Variants in TSC22D1 observed in about 807,000 individuals in gnomAD.
TSC22D1 encodes the protein TSC22 domain family protein 1.
In TSC22D1, 9 loss-of-function variants were observed where a neutral mutation model predicts 74.2. That is an observed-to-expected ratio of 0.12 (90% confidence interval 0.07 to 0.21). The LOEUF (loss-of-function observed/expected upper bound fraction) is 0.21, where lower values mean the gene tolerates loss of function less well. Among genes scored for constraint, TSC22D1 ranks in the 10% least tolerant of loss-of-function variants. The probability of loss-of-function intolerance (pLI) is 1.00; values close to 1 mark genes in which losing one functional copy is unlikely to be tolerated. For missense variants in TSC22D1, 1,427 were observed against 1,304.7 expected, an observed-to-expected ratio of 1.09 and a Z score of -1.44; for synonymous variants, 586 against 492.5, an observed-to-expected ratio of 1.19 and a Z score of -2.51.
intron 1 of TSC22D1, among the ~76,000 whole-genome samples, chr13:44,559,853 G>C (rs947857571): frequency 3.9e-5 from 6 of 151,958 alleles, no homozygotes; most frequent in African/African-American, 1.4e-4. Flanking sequence ...CACCATGACT[G>C]CCTCATTTTT....
chr13:44,461,443 G>A (rs1876991485), intron 1 of TSC22D1, among the ~76,000 whole-genome samples: 2 of 152,124 alleles, frequency 1.3e-5, no homozygotes, highest in Admixed American at 6.5e-5. Flanking sequence ...TATATGGCAG[G>A]TACCAGGAAA....
In TSC22D1 at chr13:44,576,046, G is replaced by T; in HGVS notation, c.29C>A (p.Ala10Glu). The T allele has an allele frequency of 6.4e-7, 1 of 1,570,706 alleles. No individual in the cohort carries two copies. The highest frequency in any genetic ancestry group is 1.2e-5 in the South Asian group (1 of 86,178). Residue 10 changes from alanine (A) to glutamate (E), a missense_variant, in exon 1 of 3, where the codon GCG becomes GAG. By Grantham distance (107) the Ala-to-Glu change is moderately radical (BLOSUM62 -1). This residue lies in a region of TSC22D1 where 1,343 missense variants were observed against 1,191.5 expected (regional missense o/e 1.13). Coordinates refer to ENST00000458659, the MANE Select transcript of TSC22D1 (RefSeq NM_183422.4). ...GCTAATGTCTGCAGCGGCGGCGGCC[G>T]CGGCGGTGGACTCAGGCGGCTGGTG... MHQPPESTA[A>E]AAAAADISAR...
intron 1 of TSC22D1, among the ~76,000 whole-genome samples, chr13:44,492,517 A>G (rs1878774692): frequency 6.6e-6 from 1 of 152,082 alleles, no homozygotes; most frequent in Admixed American, 6.5e-5. Context: ...AACAGACAAG[A>G]CTCTGTACAG....
At chr13:44,537,307 A>G in intron 1 of TSC22D1, 1 of 980,804 alleles carries the variant, frequency 1.0e-6, no homozygotes, top group African/African-American at 1.7e-5. Context: ...TCAGTTCACA[A>G]TAATATACAA....
intron 1 of TSC22D1, chr13:44,536,904 C>T (rs1169926357): frequency 2.9e-4 from 52 of 181,638 alleles, no homozygotes; most frequent in Non-Finnish European, 3.6e-4. Context: ...ATCACCTTAA[C>T]AGTTCAAAAA....
chr13:44,555,334 C>T lies in TSC22D1; in HGVS notation c.2912+17829G>A, dbSNP rs543070971. Among the ~76,000 whole-genome samples the T allele has an allele frequency of 4.6e-5, 7 of 151,992 alleles. No individual in the cohort carries two copies. In the East Asian group the frequency reaches 5.8e-4, roughly 13 times the overall value. On this transcript the variant is annotated intron_variant, in intron 1 of 2. Coordinates refer to ENST00000458659, the MANE Select transcript of TSC22D1 (RefSeq NM_183422.4). ...ACTAATAAGAAATACGTAGGTCGGG[C>T]GTGGTGCGTCATGCCTGTAATCTCA...
At position 44,434,515 on chromosome 13, in the gene TSC22D1, C is replaced by CT. The variant is rs1874352999; in HGVS notation, c.*110dup. On this transcript the variant is annotated 3_prime_UTR_variant, in exon 3 of 3. Coordinates refer to ENST00000458659, the MANE Select transcript of TSC22D1 (RefSeq NM_183422.4). ...AATGGCATATGTCAGTCTCACGTCT[C>CT]TTTCGCAGCGAGCAATGAAATGGGT... 24 of 1,456,962 alleles carry CT rather than the reference C, an allele frequency of 1.6e-5. No individual in the cohort carries two copies. The South Asian group carries it at 3.6e-4, about 22-fold the overall frequency. 90.3% of individuals were successfully genotyped at this position (1,456,962 alleles called of 1,614,324 possible). A position where few individuals can be genotyped will look rare whatever the true frequency, so the allele number is the denominator to read the frequency against.
intron 1 of TSC22D1, chr13:44,538,870 T>C (rs533770114): frequency 1.0e-6 from 1 of 985,360 alleles, no homozygotes; most frequent in African/African-American, 1.7e-5. Flanking sequence ...AGTATGATGT[T>C]TTACCAGTTG....
chr13:44,478,175 C>T (rs1285118409), intron 1 of TSC22D1, among the ~76,000 whole-genome samples: 2 of 152,040 alleles, frequency 1.3e-5, no homozygotes, highest in Non-Finnish European at 2.9e-5. Context: ...ACAACATTCT[C>T]TTAGAGATGC....
At chr13:44,482,310 GGATCACCT>G (rs1878213705) in intron 1 of TSC22D1, among the ~76,000 whole-genome samples, 1 of 152,158 alleles carries the variant, frequency 6.6e-6, no homozygotes, top group Admixed American at 6.5e-5. Flanking sequence ...TGAGGCAAGT[GGATCACCT>G]GAGGTCAGGA....
intron 1 of TSC22D1, chr13:44,539,884 T>C: frequency 7.8e-7 from 1 of 1,289,710 alleles, no homozygotes; most frequent in Non-Finnish European, 1.0e-6. Flanking sequence ...GTATCTGTGG[T>C]TCTAGGATCA....
At chr13:44,501,570 G>T (rs1483558768) in intron 1 of TSC22D1, among the ~76,000 whole-genome samples, 1 of 148,968 alleles carries the variant, frequency 6.7e-6, no homozygotes, top group East Asian at 1.9e-4. Context: ...GCCGGGTGGA[G>T]GGGGTAGCGT....
chr13:44,533,465 A>AT (rs1210819980), intron 1 of TSC22D1, among the ~76,000 whole-genome samples: 7 of 148,228 alleles, frequency 4.7e-5, no homozygotes, highest in African/African-American at 1.8e-4. Context: ...ATCAAATAAA[A>AT]TTAAAAAAAA....
rs138879683 is a variant in TSC22D1, at chr13:44,434,703, G to A, written c.3145C>T (p.Pro1049Ser). The A allele has an allele frequency of 1.7e-3, 2,671 of 1,611,622 alleles. 5 individuals carry two copies. Among genetic ancestry groups the A allele is most frequent in the Non-Finnish European group, 2.2e-3 (2,557 of 1,179,208 alleles). Residue 1049 changes from proline to serine, a missense_variant, in exon 3 of 3, where the codon CCT becomes TCT. Transcript: ENST00000458659. ...GTGCCCTGTGGCTGGGTGGTGGCAGGGGGGGAGCCAGTCTGCAGCTGGGCC... is the reference window on the plus strand; with the variant it reads ...GTGCCCTGTGGCTGGGTGGTGGCAGAGGGGGAGCCAGTCTGCAGCTGGGCC... ...FQAQLQTGSP[P>S]ATTQPQGTTQ...
At chr13:44,447,833 C>CTTTT (rs5803260) in intron 1 of TSC22D1, among the ~76,000 whole-genome samples, 17 of 129,468 alleles carry the variant, frequency 1.3e-4, no homozygotes, top group African/African-American at 3.8e-4. Context: ...AATGCCTTTT[C>CTTTT]TTTTTTTTTT....
chr13:44,507,466 TTAC>T (rs1879495498), intron 1 of TSC22D1, among the ~76,000 whole-genome samples: 1 of 151,868 alleles, frequency 6.6e-6, no homozygotes, highest in East Asian at 1.9e-4. Flanking sequence ...ATATCTTACT[TTAC>T]TTTTTTTTTT....
At chr13:44,488,184 A>G (rs1440781681) in intron 1 of TSC22D1, among the ~76,000 whole-genome samples, 1 of 152,216 alleles carries the variant, frequency 6.6e-6, no homozygotes, top group Non-Finnish European at 1.5e-5. Flanking sequence ...TACGTGCAGT[A>G]TCAGCACTCT....
chr13:44,493,661 A>G (rs1364672119), intron 1 of TSC22D1, among the ~76,000 whole-genome samples: 1 of 152,226 alleles, frequency 6.6e-6, no homozygotes, highest in Non-Finnish European at 1.5e-5. Flanking sequence ...AAACTTTCAC[A>G]TCTTGCTGAT....
chr13:44,442,810 G>A (rs1437785995), intron 1 of TSC22D1, among the ~76,000 whole-genome samples: 2 of 151,026 alleles, frequency 1.3e-5, no homozygotes, highest in East Asian at 3.9e-4. Flanking sequence ...AGCTACCTGG[G>A]AGGCTGGAGA....
Sources: gnomAD v4.1 joint callset for allele counts (sites outside exome capture counted in the v4.1 genomes callset) on GRCh38, gnomAD v4.1.1 for gene constraint, gnomAD v4.1.1 regional missense constraint, MANE v1.5 for transcripts, NCBI Gene and HGNC (gene_info 2026-07-23, HGNC 2026-07-21) for gene names.